Variants in ZFP36L1 observed in about 807,000 individuals in gnomAD.
ZFP36L1 encodes the protein mRNA decay activator protein ZFP36L1.
Under a neutral mutation model 16.7 loss-of-function variants are expected in ZFP36L1, and 4 were observed. The observed-to-expected ratio is 0.24, with a 90% CI of 0.12 to 0.55. The LOEUF (loss-of-function observed/expected upper bound fraction) is 0.55, where lower values mean the gene tolerates loss of function less well. ZFP36L1 is among the 20% of genes least tolerant of loss of function. The pLI is 0.94. For missense variants in ZFP36L1, 311 were observed against 449.2 expected (o/e 0.69, Z 2.78); for synonymous variants, 220 against 190.8 (o/e 1.15, Z -1.26).
upstream of ZFP36L1, chr14:68,796,095 G>T (rs558203654): frequency 2.9e-6 from 4 of 1,361,296 alleles, no homozygotes; most frequent in Non-Finnish European, 3.9e-6. Context: ...GCTTCCGACC[G>T]GGAGGCGGTG....
chr14:68,789,257 A>T lies in ZFP36L1; in HGVS notation c.*276T>A. The T allele has an allele frequency of 2.3e-6, 1 of 426,868 alleles. No homozygotes were observed. The highest frequency in any genetic ancestry group is 4.2e-6 in the Non-Finnish European group (1 of 238,212). The allele number at this position is 426,868 out of a possible 1,614,324, so 26.4% of individuals were successfully genotyped here. ...AAAAAAAGGCATCTACTGACAAAAT[A>T]TGGGACTTGTCTGTTATGCATGGTA... On this transcript the variant is annotated 3_prime_UTR_variant, in exon 2 of 2. Coordinates refer to ENST00000439696, the MANE Select transcript of ZFP36L1 (RefSeq NM_004926.4). The surrounding 1 kb of genome is among the most constrained non-coding windows in gnomAD (Gnocchi z 4.5).
upstream of ZFP36L1, chr14:68,796,094 C>T: frequency 7.3e-7 from 1 of 1,361,366 alleles, no homozygotes; most frequent in East Asian, 4.6e-5. Flanking sequence ...CGCTTCCGAC[C>T]GGGAGGCGGT....
At chr14:68,795,318 AC>A (rs1031840970), upstream of ZFP36L1, among the ~76,000 whole-genome samples, 15 of 47,770 alleles carry the variant, frequency 3.1e-4, no homozygotes, top group Non-Finnish European at 4.6e-4. Context: ...CCCACCCCCC[AC>A]CCCCCCCAAA....
intron 1 of ZFP36L1, among the ~76,000 whole-genome samples, chr14:68,792,505 A>C (rs1895114578): frequency 6.6e-6 from 1 of 152,236 alleles, no homozygotes; most frequent in East Asian, 1.9e-4. Flanking sequence ...GGACAGACCT[A>C]GGGCGCAGAC....
At position 68,792,410 on chromosome 14, in the gene ZFP36L1, C is replaced by G. The variant is rs182634777; in HGVS notation, c.57+472G>C. Among the ~76,000 whole-genome samples the G allele has an allele frequency of 1.8e-3, 267 of 152,282 alleles. 2 individuals carry two copies. The highest frequency in any genetic ancestry group is 6.0e-3 in the African/African-American group (249 of 41,552). On this transcript the variant is annotated intron_variant, in intron 1 of 1. Coordinates refer to ENST00000439696, the MANE Select transcript of ZFP36L1 (RefSeq NM_004926.4). ...CTTCCTCGCATATCCCCAGCTCCCC[C>G]CAAAGAGTGGAGGAAAACATTGTCC...
chr14:68,793,624 C>A (rs1268451322), upstream of ZFP36L1: 10 of 985,802 alleles, frequency 1.0e-5, no homozygotes, highest in Non-Finnish European at 1.2e-5. Context: ...CTCCTTGAAA[C>A]TTCCCCAAGT....
chr14:68,792,486 A>C (rs1895113148), intron 1 of ZFP36L1, among the ~76,000 whole-genome samples: 1 of 152,212 alleles, frequency 6.6e-6, no homozygotes, highest in African/African-American at 2.4e-5. Context: ...ACGGGTGGGT[A>C]ATGCCGCTGG....
Position 68,790,410 on chromosome 14 carries a change from C to G in ZFP36L1, c.140G>C (p.Gly47Ala). Reference sequence around the variant, plus strand: ...GACTGAGTGCCTCCGAGGGAAGCCCCCACCAGCAGGGGTGCCCACTGCCTT... The same window carrying G: ...GACTGAGTGCCTCCGAGGGAAGCCCGCACCAGCAGGGGTGCCCACTGCCTT... ...DRKAVGTPAGGGFPRRHSVTL... is the reference protein window; with the variant it reads ...DRKAVGTPAGAGFPRRHSVTL... Residue 47 changes from glycine (G) to alanine (A), a missense_variant, in exon 2 of 2, where the codon GGG (glycine) becomes GCG (alanine). Around this residue, in one of 4 missense-constraint regions of ZFP36L1, gnomAD observed 137 missense variants for 142.6 expected, o/e 0.96. Transcript: ENST00000439696. 6.2e-7 allele frequency: 1 copy of G among 1,613,956 alleles called. No homozygotes were observed. Among genetic ancestry groups the G allele is most frequent in the Non-Finnish European group, 8.5e-7 (1 of 1,179,950 alleles).
At position 68,792,870 on chromosome 14, in the gene ZFP36L1, G is replaced by GC. The variant is rs755580988; in HGVS notation, c.57+11dup. Reference sequence around the variant, plus strand: ...AGACTTTTTGAAAAGCAAATGCTCCGCCCCCCTTTACCTTGCATAAAACTT... The same window carrying GC: ...AGACTTTTTGAAAAGCAAATGCTCCGCCCCCCCTTTACCTTGCATAAAACTT... On this transcript the variant is annotated intron_variant, in intron 1 of 1. Transcript: ENST00000439696. 3.1e-6 allele frequency: 5 copies of GC among 1,613,856 alleles called. No homozygotes were observed. Among genetic ancestry groups the GC allele is most frequent in the Non-Finnish European group, 2.5e-6 (3 of 1,179,934 alleles).
At chr14:68,792,168 G>C (rs2140211355) in intron 1 of ZFP36L1, among the ~76,000 whole-genome samples, 1 of 152,124 alleles carries the variant, frequency 6.6e-6, no homozygotes, top group African/African-American at 2.4e-5. Flanking sequence ...GTTCAAGCCA[G>C]CATTTTGTCG....
intron 1 of ZFP36L1, 66 bp downstream of exon 1, chr14:68,792,816 T>TGG: frequency 6.2e-7 from 1 of 1,606,754 alleles, no homozygotes; most frequent in Non-Finnish European, 8.5e-7. Flanking sequence ...CCCAAACTTT[T>TGG]GGGGGTTCTT....
chr14:68,792,803 A>G (rs555815184), intron 1 of ZFP36L1, 79 bp downstream of exon 1: 2 of 1,590,990 alleles, frequency 1.3e-6, no homozygotes, highest in Admixed American at 1.7e-5. Flanking sequence ...TTGCCTTCCA[A>G]GACCCAAACT....
Position 68,789,461 on chromosome 14 carries a change from GGGA to G in ZFP36L1, c.*69_*71del. On this transcript the variant is annotated 3_prime_UTR_variant, in exon 2 of 2. Transcript: ENST00000439696. The surrounding 1 kb of genome is among the most constrained non-coding windows in gnomAD (Gnocchi z 4.5). ...GGGCCTGTGGGGAATGGGATGGGTAGGGAGAAGAGGGTATGGGATGTGGGTGCA... is the reference window on the plus strand; with the variant it reads ...GGGCCTGTGGGGAATGGGATGGGTAGGAAGAGGGTATGGGATGTGGGTGCA... 1.1e-5 allele frequency: 18 copies of G among 1,597,998 alleles called. No homozygotes were observed. The highest frequency in any genetic ancestry group is 1.5e-5 in the Non-Finnish European group (18 of 1,171,536).
At chr14:68,795,401 A>G (rs1371262619), upstream of ZFP36L1, among the ~76,000 whole-genome samples, 4 of 140,898 alleles carry the variant, frequency 2.8e-5, no homozygotes, top group Non-Finnish European at 6.1e-5. Context: ...GAGGGGCTGG[A>G]AAAAAGCAAA....
At chr14:68,790,574 AAAC>A in intron 1 of ZFP36L1, 82 bp from the exon 2 acceptor site, 3 of 1,548,050 alleles carry the variant, frequency 1.9e-6, no homozygotes, top group Non-Finnish European at 2.6e-6. Flanking sequence ...ACACAATCAC[AAAC>A]GCCCGCTCTT....
In ZFP36L1 at chr14:68,790,419, G is replaced by A. The variant is rs146672590; in HGVS notation, c.131C>T (p.Pro44Leu). Residue 44 changes from proline to leucine, a missense_variant, in exon 2 of 2, where the codon CCT becomes CTT. By Grantham distance (98) the Pro-to-Leu change is moderately conservative. Transcript: ENST00000439696. ...CCTCCGAGGGAAGCCCCCACCAGCA[G>A]GGGTGCCCACTGCCTTTCTGTCCAG... is the stretch of plus-strand genomic sequence containing the variant. The part of the protein sequence containing the change: ...CLLDRKAVGT[P>L]AGGGFPRRHS... 1 of 1,613,902 alleles carries A rather than the reference G, an allele frequency of 6.2e-7. No individual in the cohort carries two copies. The highest frequency in any genetic ancestry group is 1.3e-5 in the African/African-American group (1 of 74,912).
chr14:68,790,136 T>G lies in ZFP36L1; in HGVS notation c.414A>C (p.Ala138=), dbSNP rs1353128971. Residue 138 remains alanine, a synonymous_variant, in exon 2 of 2, where the codon GCA becomes GCC. Coordinates refer to ENST00000439696, the MANE Select transcript of ZFP36L1 (RefSeq NM_004926.4). ...GGCTGCGGAGCTCGTGGATGCCGTG[T>G]GCGAACTGGCACTTGTCCCCGTACT... The part of the protein sequence containing the change: ...ACKYGDKCQF[A]HGIHELRSLT... 1 of 1,611,194 alleles carries G rather than the reference T, an allele frequency of 6.2e-7. No homozygotes were observed. The highest frequency in any genetic ancestry group is 1.1e-5 in the South Asian group (1 of 90,940).
intron 1 of ZFP36L1, 127 bp downstream of exon 1, chr14:68,792,755 G>A: frequency 3.0e-6 from 4 of 1,336,806 alleles, no homozygotes; most frequent in South Asian, 1.2e-5. Flanking sequence ...AGAAATGCCG[G>A]AGGAGAAAAG....
chr14:68,790,022 G>C lies in ZFP36L1; in HGVS notation c.528C>G (p.Ile176Met). The C allele has an allele frequency of 6.2e-7, 1 of 1,610,014 alleles. No homozygotes were observed. The highest frequency in any genetic ancestry group is 8.5e-7 in the Non-Finnish European group (1 of 1,178,612). The change falls in exon 2 of 2, where the codon ATC becomes ATG. Residue 176 changes from isoleucine (I) to methionine (M), a missense_variant. Ile to Met is a conservative substitution (Grantham distance 10). Coordinates refer to ENST00000439696, the MANE Select transcript of ZFP36L1 (RefSeq NM_004926.4). ...FCPYGPRCHF[I>M]HNAEERRALA... ...GGGCACGGCGCTCTTCAGCGTTGTGGATGAAGTGGCAGCGGGGCCCGTAGG... is the reference window on the plus strand; with the variant it reads ...GGGCACGGCGCTCTTCAGCGTTGTGCATGAAGTGGCAGCGGGGCCCGTAGG...
Sources: allele counts gnomAD v4.1 joint callset (sites outside exome capture counted in the v4.1 genomes callset), GRCh38; gene constraint gnomAD v4.1.1; regional missense constraint gnomAD v4.1.1; non-coding constraint Gnocchi (gnomAD v3.1); transcripts MANE v1.5; gene names NCBI Gene and HGNC (gene_info 2026-07-23, HGNC 2026-07-21).